The following IQGAP2 variants were observed in gnomAD, a reference collection of about 807,000 sequenced individuals.
IQGAP2 encodes ras GTPase-activating-like protein IQGAP2.
In IQGAP2, 173 loss-of-function variants were observed where a neutral mutation model predicts 201.3. That is an observed-to-expected ratio of 0.86 (90% CI 0.76 to 0.98). IQGAP2 has a LOEUF of 0.98. Among genes scored for constraint, IQGAP2 ranks in the 50% least tolerant of loss-of-function variants. IQGAP2 has a pLI of 0.00. For missense variants in IQGAP2, 1,687 were observed against 1,864.8 expected (o/e 0.90, Z 1.76); for synonymous variants, 675 against 673.9 (o/e 1.00, Z -0.03).
Position 76,673,527 on chromosome 5 carries a change from G to A in IQGAP2, c.3147G>A (p.Glu1049=). The change falls in exon 25 of 36, where the codon GAG becomes GAA. Residue 1049 remains glutamate (E), a synonymous_variant. Coordinates refer to ENST00000274364, the MANE Select transcript of IQGAP2 (RefSeq NM_006633.5). The part of the protein sequence containing the change: ...EVKNKLEASI[E]NLRRVTDKVL... ...AAAATAAACTGGAGGCTTCCATTGA[G>A]AACCTGAGAAGGGTCACCGACAAAG... 1 of 1,614,008 alleles carries A rather than the reference G, an allele frequency of 6.2e-7. No homozygotes were observed. The highest frequency in any genetic ancestry group is 8.5e-7 in the Non-Finnish European group (1 of 1,179,904).
chr5:76,517,529 C>A (rs1195979055), intron 2 of IQGAP2, among the ~76,000 whole-genome samples: 1 of 150,028 alleles, frequency 6.7e-6, no homozygotes, highest in African/African-American at 2.5e-5. Flanking sequence ...GGGAGGATCG[C>A]TTGAGGTTGA....
intron 5 of IQGAP2, among the ~76,000 whole-genome samples, chr5:76,578,680 T>TG (rs1479548634): frequency 2.0e-5 from 3 of 152,186 alleles, no homozygotes; most frequent in African/African-American, 7.2e-5. Context: ...ATGCTCATTG[T>TG]GGAAAAAATT....
intron 15 of IQGAP2, 98 bp downstream of exon 15, chr5:76,632,124 T>G (rs1458770960): frequency 9.8e-7 from 1 of 1,022,492 alleles, no homozygotes; most frequent in Admixed American, 3.3e-5. Flanking sequence ...TGCTTTCAAA[T>G]TAACATTTCT....
chr5:76,425,691 T>C (rs924917063), intron 1 of IQGAP2, among the ~76,000 whole-genome samples: 2 of 152,172 alleles, frequency 1.3e-5, no homozygotes, highest in African/African-American at 4.8e-5. Context: ...TTATGAGAGA[T>C]GAAGTTCTCA....
At position 76,707,548 on chromosome 5, in the gene IQGAP2, G is replaced by A. The variant is rs1370740957; in HGVS notation, c.*235G>A. On this transcript the variant is annotated 3_prime_UTR_variant, in exon 36 of 36. Transcript: ENST00000274364. ...CATATCCACACTGTACTGTGATATA[G>A]GTACTCTGATTTAAAACTTTGGACA... 5.1e-6 allele frequency: 2 copies of A among 389,454 alleles called. No homozygotes were observed. Among genetic ancestry groups the A allele is most frequent in the African/African-American group, 4.2e-5 (2 of 47,616 alleles). 24.1% of individuals were successfully genotyped at this position (389,454 alleles called of 1,614,324 possible). A position where few individuals can be genotyped will look rare whatever the true frequency, so the allele number is the denominator to read the frequency against.
chr5:76,492,736 G>T (rs1045145621), intron 2 of IQGAP2, among the ~76,000 whole-genome samples: 1 of 152,192 alleles, frequency 6.6e-6, no homozygotes, highest in African/African-American at 2.4e-5. Flanking sequence ...TTTTGCAGTA[G>T]TCTAGGCAGG....
intron 23 of IQGAP2, 49 bp downstream of exon 23, chr5:76,668,893 G>C: frequency 8.5e-7 from 1 of 1,175,004 alleles, no homozygotes; most frequent in South Asian, 1.6e-5. Context: ...CAATCCTTTT[G>C]TTAGTGGTGG....
At chr5:76,675,899 G>A (rs1233474972) in intron 27 of IQGAP2, among the ~76,000 whole-genome samples, 1 of 151,998 alleles carries the variant, frequency 6.6e-6, no homozygotes, top group Non-Finnish European at 1.5e-5. Flanking sequence ...GGGCAACATA[G>A]GGAGACCTCA....
At chr5:76,463,252 T>A (rs963393459) in intron 2 of IQGAP2, among the ~76,000 whole-genome samples, 3 of 152,158 alleles carry the variant, frequency 2.0e-5, no homozygotes, top group African/African-American at 7.2e-5. Flanking sequence ...ACATTTTGTT[T>A]TTGCCTCCTG....
At chr5:76,461,513 C>G in intron 1 of IQGAP2, 57 bp from the exon 2 acceptor site, 1 of 1,176,386 alleles carries the variant, frequency 8.5e-7, no homozygotes, top group Non-Finnish European at 1.3e-6. Flanking sequence ...TTGATTGTCT[C>G]AGGTGTTTAA....
At chr5:76,416,198 GGT>G (rs1282498885) in intron 1 of IQGAP2, among the ~76,000 whole-genome samples, 1 of 152,134 alleles carries the variant, frequency 6.6e-6, no homozygotes, top group Admixed American at 6.5e-5. Flanking sequence ...TGCCTTCAGG[GGT>G]CAAATGTGAT....
At chr5:76,528,058 G>T (rs1334089183) in intron 2 of IQGAP2, among the ~76,000 whole-genome samples, 1 of 152,140 alleles carries the variant, frequency 6.6e-6, no homozygotes, top group Non-Finnish European at 1.5e-5. Context: ...CTCAGGTGAG[G>T]TCCTTTTATC....
chr5:76,512,378 G>A (rs1220995524), intron 2 of IQGAP2, among the ~76,000 whole-genome samples: 1 of 152,182 alleles, frequency 6.6e-6, no homozygotes, highest in Non-Finnish European at 1.5e-5. Flanking sequence ...AGCTTCACGA[G>A]TTCATGATCC....
intron 11 of IQGAP2, among the ~76,000 whole-genome samples, 167 bp downstream of exon 11, chr5:76,601,139 T>C (rs1273306803): frequency 6.6e-6 from 1 of 152,244 alleles, no homozygotes; most frequent in East Asian, 1.9e-4. Context: ...GTTTACAGTA[T>C]TCCTTCTGGG....
At chr5:76,488,266 C>T (rs1316455380) in intron 2 of IQGAP2, among the ~76,000 whole-genome samples, 1 of 152,198 alleles carries the variant, frequency 6.6e-6, no homozygotes, top group African/African-American at 2.4e-5. Context: ...GAGAAATTAG[C>T]TTACTCTTTG....
chr5:76,673,244 G>C (rs1744510223), intron 24 of IQGAP2, among the ~76,000 whole-genome samples: 2 of 152,132 alleles, frequency 1.3e-5, no homozygotes, highest in African/African-American at 4.8e-5. Flanking sequence ...AGACCAGAGG[G>C]AAGGCCTCAA....
intron 2 of IQGAP2, among the ~76,000 whole-genome samples, chr5:76,489,904 A>G: frequency 6.6e-6 from 1 of 152,182 alleles, no homozygotes; most frequent in East Asian, 1.9e-4. Flanking sequence ...CCACGTCCAC[A>G]CCACACATAT....
Position 76,658,675 on chromosome 5 carries a change from G to A in IQGAP2, c.2529+8G>A. 4 of 1,612,554 alleles carry A rather than the reference G, an allele frequency of 2.5e-6. No homozygotes were observed. Among genetic ancestry groups the A allele is most frequent in the Non-Finnish European group, 3.4e-6 (4 of 1,179,108 alleles). On this transcript the variant is annotated splice_region_variant and intron_variant, in intron 21 of 35. Coordinates refer to ENST00000274364, the MANE Select transcript of IQGAP2 (RefSeq NM_006633.5). Reference sequence around the variant, plus strand: ...AACAGGATCACACTAGAGGTCAGTGGGGTTTTTGGGACTGTCAGCTCCCAG... The same window carrying A: ...AACAGGATCACACTAGAGGTCAGTGAGGTTTTTGGGACTGTCAGCTCCCAG...
chr5:76,420,228 A>C (rs1489712343), intron 1 of IQGAP2, among the ~76,000 whole-genome samples: 1 of 152,156 alleles, frequency 6.6e-6, no homozygotes, highest in East Asian at 1.9e-4. Flanking sequence ...GAATTAATTA[A>C]ATCCACCCTA....
Sources: gnomAD v4.1 joint callset for allele counts (sites outside exome capture counted in the v4.1 genomes callset) on GRCh38, gnomAD v4.1.1 for gene constraint, MANE v1.5 for transcripts, NCBI Gene and HGNC (gene_info 2026-07-23, HGNC 2026-07-21) for gene names.